The following IPPK variants were observed in gnomAD, a reference collection of about 807,000 sequenced individuals.
IPPK encodes the protein IPK1 homolog.
IPPK carries 22 observed loss-of-function variants against 64.6 expected under a neutral mutation model. The ratio of observed to expected loss-of-function variants is 0.34; its 90% CI spans 0.24 to 0.49. IPPK has a LOEUF of 0.49. IPPK is among the 20% of genes least tolerant of loss of function. IPPK has a pLI of 0.99. For missense variants in IPPK, 532 were observed against 630.7 expected, an observed-to-expected ratio of 0.84 and a Z score of 1.68; for synonymous variants, 262 against 247.2, an observed-to-expected ratio of 1.06 and a Z score of -0.56.
chr9:92,651,750 T>G (rs1208423387), intron 4 of IPPK, among the ~76,000 whole-genome samples: 2 of 152,252 alleles, frequency 1.3e-5, no homozygotes, highest in Non-Finnish European at 2.9e-5. Context: ...AGTCTCACTC[T>G]GTCACCTGGG....
Position 92,619,418 on chromosome 9 carries a change from A to G in IPPK, c.1250+68T>C. On this transcript the variant is annotated intron_variant, in intron 12 of 12. Transcript: ENST00000287996. ...ATATGGGGAAACCAACTATCCTATT[A>G]ACAATTCACCAACTGTCCATAAAAC... 4.7e-6 allele frequency: 6 copies of G among 1,269,122 alleles called. No homozygotes were observed. In the South Asian group the frequency reaches 7.7e-5, roughly 16 times the overall value. The allele number at this position is 1,269,122 out of a possible 1,614,324, so 78.6% of individuals were successfully genotyped here. A position where few individuals can be genotyped will look rare whatever the true frequency, so the allele number is the denominator to read the frequency against.
Position 92,635,093 on chromosome 9 carries a change from C to T in IPPK, c.1067+65G>A. ...GAAGCTGTGCCTTGGGAGGCGCATT[C>T]TTACCCTGCCCACTCCCACAGTCTC... On this transcript the variant is annotated intron_variant, in intron 10 of 12. Coordinates refer to ENST00000287996, the MANE Select transcript of IPPK (RefSeq NM_022755.6). This position sits in a 1 kb window ranked among gnomAD's most constrained non-coding sequence, Gnocchi z 4.4. The T allele has an allele frequency of 6.7e-7, 1 of 1,486,238 alleles. No individual in the cohort carries two copies. The highest frequency in any genetic ancestry group is 9.1e-7 in the Non-Finnish European group (1 of 1,099,020). 92.1% of individuals were successfully genotyped at this position (1,486,238 alleles called of 1,614,324 possible). A position where few individuals can be genotyped will look rare whatever the true frequency, so the allele number is the denominator to read the frequency against.
chr9:92,619,874 C>T (rs1467104926), intron 11 of IPPK: 7 of 390,698 alleles, frequency 1.8e-5, no homozygotes, highest in East Asian at 1.8e-4. Context: ...TCACCACAGT[C>T]GGCCTTTGGA....
At chr9:92,667,565 T>C (rs894371132) in intron 1 of IPPK, among the ~76,000 whole-genome samples, 3 of 152,082 alleles carry the variant, frequency 2.0e-5, no homozygotes, top group Non-Finnish European at 2.9e-5. Context: ...CAATTTCAAA[T>C]GATGAGCTAA....
intron 8 of IPPK, among the ~76,000 whole-genome samples, 188 bp downstream of exon 8, chr9:92,640,522 G>A (rs1431240947): frequency 6.6e-6 from 1 of 152,146 alleles, no homozygotes; most frequent in Non-Finnish European, 1.5e-5. Context: ...TCAGAAAAAG[G>A]TCAGGGAAAG....
intron 11 of IPPK, among the ~76,000 whole-genome samples, chr9:92,625,799 C>T (rs142467270): frequency 4.0e-4 from 61 of 152,274 alleles, no homozygotes; most frequent in African/African-American, 1.4e-3. Flanking sequence ...AGATCCCTAT[C>T]CTCTCTGGAA....
At chr9:92,659,852 G>T (rs1852446766) in intron 1 of IPPK, among the ~76,000 whole-genome samples, 3 of 152,076 alleles carry the variant, frequency 2.0e-5, no homozygotes, top group Admixed American at 2.0e-4. Context: ...GGGCCCCTCT[G>T]ACTGAGCTCC....
chr9:92,655,004 A>C (rs565195841), intron 3 of IPPK, among the ~76,000 whole-genome samples: 65 of 152,348 alleles, frequency 4.3e-4, no homozygotes, highest in African/African-American at 1.5e-3. Context: ...TGGAAGAACA[A>C]GGCAAGCAGC....
intron 3 of IPPK, among the ~76,000 whole-genome samples, chr9:92,654,530 A>C (rs374024596): frequency 6.6e-6 from 1 of 152,156 alleles, no homozygotes; most frequent in Non-Finnish European, 1.5e-5. Flanking sequence ...AAAAACAAAC[A>C]AATACTGACA....
Position 92,615,598 on chromosome 9 carries a change from C to G in IPPK, c.*234G>C, listed in dbSNP as rs1206944541. 3.1e-5 allele frequency: 16 copies of G among 508,000 alleles called. No homozygotes were observed. The highest frequency in any genetic ancestry group is 3.5e-5 in the East Asian group (1 of 28,230). The allele number at this position is 508,000 out of a possible 1,614,324, so 31.5% of individuals were successfully genotyped here. On this transcript the variant is annotated 3_prime_UTR_variant, in exon 13 of 13. Coordinates refer to ENST00000287996, the MANE Select transcript of IPPK (RefSeq NM_022755.6). ...TCTTCCCAGGGCTTAACGGACACTTCCATTTTAAGAGTGTGAGCAGCTTCC... is the reference window on the plus strand; with the variant it reads ...TCTTCCCAGGGCTTAACGGACACTTGCATTTTAAGAGTGTGAGCAGCTTCC...
chr9:92,616,980 C>G (rs556264252), intron 12 of IPPK: 1 of 152,360 alleles, frequency 6.6e-6, no homozygotes, highest in African/African-American at 2.4e-5. Context: ...CTGATCAGCA[C>G]GTCCCTGCTC....
At chr9:92,665,024 C>G (rs190069237) in intron 1 of IPPK, among the ~76,000 whole-genome samples, 1 of 152,114 alleles carries the variant, frequency 6.6e-6, no homozygotes. Context: ...GACCTCATCA[C>G]GCAACTGCAG....
chr9:92,652,661 T>A, intron 3 of IPPK, 22 bp from the exon 4 acceptor site: 1 of 1,436,498 alleles, frequency 7.0e-7, no homozygotes, highest in Non-Finnish European at 9.7e-7. Flanking sequence ...TACATGAAAT[T>A]CTCAGTGTGA....
At chr9:92,618,445 T>C (rs921954578) in intron 12 of IPPK, 6 of 456,582 alleles carry the variant, frequency 1.3e-5, no homozygotes. Flanking sequence ...GAGTAACATG[T>C]CTGTCCTTCA....
rs369544857 is a variant in IPPK, at chr9:92,634,380, G to A, written c.1170+6C>T. 109 of 1,607,118 alleles carry A rather than the reference G, an allele frequency of 6.8e-5. No individual in the cohort carries two copies. The highest frequency in any genetic ancestry group is 3.8e-4 in the Admixed American group (23 of 59,990). ...ACACAGCAAGTTTTTGGATGGGTCT[G>A]CCCACCTTCGTTAGCGCGAAGGCCA... On this transcript the variant is annotated splice_donor_region_variant and intron_variant, in intron 11 of 12. Coordinates refer to ENST00000287996, the MANE Select transcript of IPPK (RefSeq NM_022755.6).
intron 7 of IPPK, among the ~76,000 whole-genome samples, chr9:92,642,001 G>A (rs1040382923): frequency 1.3e-5 from 2 of 152,374 alleles, no homozygotes; most frequent in Admixed American, 1.3e-4. Context: ...TCTCTCCTGG[G>A]GGTGTGAGGT....
At chr9:92,656,364 C>T (rs1852372631) in intron 3 of IPPK, 92 bp downstream of exon 3, 1 of 834,174 alleles carries the variant, frequency 1.2e-6, no homozygotes, top group Non-Finnish European at 2.1e-6. Context: ...CGCGGGTTAT[C>T]ATTAAGCACA....
At chr9:92,632,223 T>C (rs1207023659) in intron 11 of IPPK, among the ~76,000 whole-genome samples, 1 of 152,232 alleles carries the variant, frequency 6.6e-6, no homozygotes, top group African/African-American at 2.4e-5. Context: ...TCTTCATTTC[T>C]CTGGGATAAA....
chr9:92,647,496 C>G (rs1852170977), intron 6 of IPPK, among the ~76,000 whole-genome samples: 1 of 152,020 alleles, frequency 6.6e-6, no homozygotes, highest in African/African-American at 2.4e-5. Flanking sequence ...TTCAAAAACC[C>G]TCAACAAAAA....
Sources: allele counts gnomAD v4.1 joint callset (sites outside exome capture counted in the v4.1 genomes callset), GRCh38; gene constraint gnomAD v4.1.1; non-coding constraint Gnocchi (gnomAD v3.1); transcripts MANE v1.5; gene names NCBI Gene and HGNC (gene_info 2026-07-23, HGNC 2026-07-21).